LIMCH1: variants seen among roughly 807,000 people sequenced by gnomAD.
LIMCH1 encodes LIM and calponin homology domains-containing protein 1.
Under a neutral mutation model 176.5 loss-of-function variants are expected in LIMCH1, and 113 were observed. The ratio of observed to expected loss-of-function variants is 0.64; its 90% CI spans 0.55 to 0.75. The LOEUF (loss-of-function observed/expected upper bound fraction) is 0.75. Ranked by LOEUF, LIMCH1 falls within the 30% of genes least tolerant of loss-of-function variation. The pLI is 0.00. For synonymous variants in LIMCH1, 619 were observed against 645.9 expected, an observed-to-expected ratio of 0.96 and a Z score of 0.63; for missense variants, 1,674 against 1,814.9, an observed-to-expected ratio of 0.92 and a Z score of 1.41.
intron 26 of LIMCH1, among the ~76,000 whole-genome samples, chr4:41,682,675 C>CTTTTTTTTT (rs200784058): frequency 1.4e-5 from 2 of 142,380 alleles, no homozygotes; most frequent in Non-Finnish European, 1.5e-5. Flanking sequence ...TTTTCTTCTT[C>CTTTTTTTTT]TTCTTTTTTT....
chr4:41,660,129 T>C (rs2094571418), intron 18 of LIMCH1, among the ~76,000 whole-genome samples: 1 of 152,194 alleles, frequency 6.6e-6, no homozygotes, highest in Non-Finnish European at 1.5e-5. Context: ...CATGTAAACA[T>C]CAAACTATGT....
chr4:41,612,055 C>T (rs1253523171), intron 4 of LIMCH1, among the ~76,000 whole-genome samples: 1 of 152,176 alleles, frequency 6.6e-6, no homozygotes. Flanking sequence ...ACAACCTGTT[C>T]TTCAGGGCAT....
At chr4:41,599,525 T>C (rs1300384427) in intron 2 of LIMCH1, among the ~76,000 whole-genome samples, 1 of 152,218 alleles carries the variant, frequency 6.6e-6, no homozygotes. Flanking sequence ...ACTTTGACTA[T>C]ATCTACTTAA....
At chr4:41,521,523 A>G (rs2076116922) in intron 2 of LIMCH1, among the ~76,000 whole-genome samples, 1 of 152,216 alleles carries the variant, frequency 6.6e-6, no homozygotes, top group South Asian at 2.1e-4. Context: ...GCAAGTGAAT[A>G]TCCTTGACTC....
At chr4:41,661,335 G>T in intron 18 of LIMCH1, 85 bp from the exon 19 acceptor site, 1 of 932,736 alleles carries the variant, frequency 1.1e-6, no homozygotes, top group South Asian at 1.5e-5. Flanking sequence ...CCACTTTGTT[G>T]ACCTAAAAAT....
intron 1 of LIMCH1, among the ~76,000 whole-genome samples, chr4:41,573,236 A>C (rs1011724031): frequency 1.3e-5 from 2 of 152,238 alleles, no homozygotes; most frequent in East Asian, 3.8e-4. Flanking sequence ...AATAGCTGAG[A>C]AAGTCAACAG....
At chr4:41,626,524 T>G (rs1279007927) in intron 7 of LIMCH1, among the ~76,000 whole-genome samples, 184 bp from the exon 8 acceptor site, 2 of 152,192 alleles carry the variant, frequency 1.3e-5, no homozygotes, top group African/African-American at 4.8e-5. Flanking sequence ...TCTGGCTAAA[T>G]TCAAGGTTTT....
At chr4:41,468,695 T>G (rs1359863413) in intron 1 of LIMCH1, among the ~76,000 whole-genome samples, 1 of 151,954 alleles carries the variant, frequency 6.6e-6, no homozygotes, top group African/African-American at 2.4e-5. Flanking sequence ...AGTCCTGCAT[T>G]ATAAGGTATC....
At chr4:41,361,564 AC>A (rs1376479325) in intron 1 of LIMCH1, among the ~76,000 whole-genome samples, 1 of 151,414 alleles carries the variant, frequency 6.6e-6, no homozygotes, top group African/African-American at 2.4e-5. Flanking sequence ...GCCTTTGGCA[AC>A]CCCCGCCCCT....
chr4:41,592,174 A>G (rs2087725066), intron 1 of LIMCH1, among the ~76,000 whole-genome samples: 1 of 152,230 alleles, frequency 6.6e-6, no homozygotes, highest in Non-Finnish European at 1.5e-5. Flanking sequence ...TGCACCTGGC[A>G]TCTCTGAATA....
At chr4:41,528,099 A>G (rs2076873438) in intron 3 of LIMCH1, among the ~76,000 whole-genome samples, 1 of 151,340 alleles carries the variant, frequency 6.6e-6, no homozygotes, top group African/African-American at 2.5e-5. Flanking sequence ...TGGCAAATAT[A>G]TATGCTGGAG....
Position 41,619,413 on chromosome 4 carries a change from C to T in LIMCH1, c.431C>T (p.Ser144Phe), listed in dbSNP as rs539643990. The T allele has an allele frequency of 6.2e-7, 1 of 1,611,548 alleles. No homozygotes were observed. Among genetic ancestry groups the T allele is most frequent in the Admixed American group, 1.7e-5 (1 of 60,032 alleles). The change falls in exon 6 of 32, where the codon TCC (serine) becomes TTC (phenylalanine). Residue 144 changes from serine to phenylalanine, a missense_variant. By Grantham distance (155) the Ser-to-Phe change is radical (BLOSUM62 -2). Coordinates refer to ENST00000503057, the MANE Select transcript of LIMCH1 (RefSeq NM_001330672.2). Reference sequence around the variant, plus strand: ...CGCAAGAGCTGGAGTACCGCCACCTCCCCGCTGGGTGGGGAGAGGCCCTTC... The same window carrying T: ...CGCAAGAGCTGGAGTACCGCCACCTTCCCGCTGGGTGGGGAGAGGCCCTTC... ...EYRKSWSTAT[S>F]PLGGERPFSF...
In LIMCH1 at chr4:41,613,769, C is replaced by G. The variant is rs932180521; in HGVS notation, c.205+108C>G. 4.7e-6 allele frequency: 4 copies of G among 848,608 alleles called. No individual in the cohort carries two copies. The African/African-American group carries it at 6.7e-5, about 14-fold the overall frequency. The allele number at this position is 848,608 out of a possible 1,614,324, so 52.6% of individuals were successfully genotyped here. On this transcript the variant is annotated intron_variant, in intron 5 of 31. Coordinates refer to ENST00000503057, the MANE Select transcript of LIMCH1 (RefSeq NM_001330672.2). ...CTGGGAAAGCAGGCTCCATATCCACCTTGCCGGAACTTAGTAATTCTATAA... is the reference window on the plus strand; with the variant it reads ...CTGGGAAAGCAGGCTCCATATCCACGTTGCCGGAACTTAGTAATTCTATAA...
intron 1 of LIMCH1, among the ~76,000 whole-genome samples, chr4:41,570,411 G>A (rs56404320): frequency 0.014 from 2,197 of 152,320 alleles, 24 homozygotes; most frequent in Middle Eastern, 0.034. Flanking sequence ...TGAATCTGAA[G>A]TTTAAGCCTT....
chr4:41,391,714 C>G lies in LIMCH1; in HGVS notation c.96+30778C>G, dbSNP rs552932410. On this transcript the variant is annotated intron_variant, in intron 1 of 26. Coordinates refer to the LIMCH1 transcript ENST00000313860. The stretch of plus-strand genomic sequence containing the variant: ...TTCTACAAAGTATCCAACCAAGCAC[C>G]CTTCAAAAGTGTCAAGGTCGTAAAA... Among the ~76,000 whole-genome samples, 54 of 152,122 alleles carry G rather than the reference C, an allele frequency of 3.5e-4. No homozygotes were observed. In the South Asian group the frequency reaches 7.5e-3, roughly 21 times the overall value.
intron 1 of LIMCH1, among the ~76,000 whole-genome samples, chr4:41,468,926 T>G (rs1336156458): frequency 6.6e-6 from 1 of 152,194 alleles, no homozygotes; most frequent in Non-Finnish European, 1.5e-5. Context: ...CACCTTACCC[T>G]GGGAAACACA....
chr4:41,629,462 T>C (rs771900683), intron 8 of LIMCH1, 30 bp from the exon 9 acceptor site: 11 of 1,532,874 alleles, frequency 7.2e-6, no homozygotes, highest in African/African-American at 1.4e-5. Flanking sequence ...GATTTTTCCA[T>C]TGGTGTGGGG....
chr4:41,609,046 G>A (rs2091098764), intron 4 of LIMCH1, among the ~76,000 whole-genome samples: 1 of 152,054 alleles, frequency 6.6e-6, no homozygotes, highest in Non-Finnish European at 1.5e-5. Flanking sequence ...GGCCCCATGT[G>A]GACCTTATTC....
Position 41,613,496 on chromosome 4 carries a change from A to C in LIMCH1, c.40A>C (p.Ser14Arg). The stretch of plus-strand genomic sequence containing the variant: ...TGATGACATTGAAAGTCCTAAACGC[A>C]GTATCCGAGACAGTGGCTACATCGA... ...DTDDIESPKR[S>R]IRDSGYIDCW... Residue 14 changes from serine to arginine, a missense_variant, in exon 5 of 32, where the codon AGT (serine) becomes CGT (arginine). By Grantham distance (110) the Ser-to-Arg change is moderately radical (BLOSUM62 -1). Around this residue, in one of 3 missense-constraint regions of LIMCH1, gnomAD observed 655 missense variants for 692.2 expected, o/e 0.95. Coordinates refer to ENST00000503057, the MANE Select transcript of LIMCH1 (RefSeq NM_001330672.2). 1 of 1,614,126 alleles carries C rather than the reference A, an allele frequency of 6.2e-7. No homozygotes were observed. The highest frequency in any genetic ancestry group is 8.5e-7 in the Non-Finnish European group (1 of 1,180,016).
Sources: allele counts gnomAD v4.1 joint callset (sites outside exome capture counted in the v4.1 genomes callset), GRCh38; gene constraint gnomAD v4.1.1; regional missense constraint gnomAD v4.1.1; transcripts MANE v1.5; gene names NCBI Gene and HGNC (gene_info 2026-07-23, HGNC 2026-07-21).